DLL3: variants seen among roughly 807,000 people sequenced by gnomAD.
DLL3 encodes the protein delta-like protein 3.
DLL3 carries 49 observed loss-of-function variants against 55.0 expected under a neutral mutation model. The observed-to-expected ratio is 0.89, with a 90% CI of 0.71 to 1.13. The LOEUF is 1.13. Ranked by LOEUF, DLL3 falls within the 50% of genes most tolerant of loss-of-function variation. The probability of loss-of-function intolerance (pLI) is 0.00; values close to 1 mark genes in which losing one functional copy is unlikely to be tolerated. For synonymous variants in DLL3, 421 were observed against 385.2 expected, an observed-to-expected ratio of 1.09 and a Z score of -1.09; for missense variants, 962 against 875.5, an observed-to-expected ratio of 1.10 and a Z score of -1.25.
chr19:39,505,110 C>A, intron 5 of DLL3, 119 bp from the exon 6 acceptor site: 1 of 1,008,742 alleles, frequency 9.9e-7, no homozygotes, highest in Non-Finnish European at 1.5e-6. Context: ...CCAGGGTGGC[C>A]CCTGCATAGT....
At position 39,502,883 on chromosome 19, in the gene DLL3, C is replaced by T. The variant is rs376907733; in HGVS notation, c.478C>T (p.Arg160Trp). The T allele has an allele frequency of 3.4e-5, 49 of 1,439,236 alleles. No homozygotes were observed. The highest frequency in any genetic ancestry group is 2.1e-4 in the East Asian group (7 of 33,062). The allele number at this position is 1,439,236 out of a possible 1,614,324, so 89.2% of individuals were successfully genotyped here. A position where few individuals can be genotyped will look rare whatever the true frequency, so the allele number is the denominator to read the frequency against. Reference sequence around the variant, plus strand: ...CTTGGCAGCCGGAGGCCCGTGGGCCCGGGACATTCAGCGCGCAGGCGCCTG... The same window carrying T: ...CTTGGCAGCCGGAGGCCCGTGGGCCTGGGACATTCAGCGCGCAGGCGCCTG... ...RRLAAGGPWARDIQRAGAWEL... is the reference protein window; with the variant it reads ...RRLAAGGPWAWDIQRAGAWEL... The change falls in exon 4 of 9, where the codon CGG (arginine) becomes TGG (tryptophan). Residue 160 changes from arginine to tryptophan, a missense_variant. By Grantham distance (101) the Arg-to-Trp change is moderately radical (BLOSUM62 -3). Coordinates refer to ENST00000356433, the MANE Select transcript of DLL3 (RefSeq NM_203486.3).
At position 39,502,200 on chromosome 19, in the gene DLL3, A is replaced by AC. The variant is rs549900856; in HGVS notation, c.410-615_410-614insC. Among the ~76,000 whole-genome samples the AC allele has an allele frequency of 1.0e-3, 155 of 152,128 alleles. 1 individual carries two copies. In the South Asian group the frequency reaches 0.011, roughly 11 times the overall value. On this transcript the variant is annotated intron_variant, in intron 3 of 8. Transcript: ENST00000356433. ...AGACTCCGTCGCAAAAAACAAACAA[A>AC]AAAAAAACAAATATCTGGGTCAAAA... is the stretch of plus-strand genomic sequence containing the variant.
In DLL3 at chr19:39,502,906, C is replaced by T. The variant is rs1469469646; in HGVS notation, c.501C>T (p.Ala167=). The T allele has an allele frequency of 5.5e-6, 8 of 1,446,216 alleles. No individual in the cohort carries two copies. In the Admixed American group the frequency reaches 1.3e-4, roughly 24 times the overall value. 89.6% of individuals were successfully genotyped at this position (1,446,216 alleles called of 1,614,324 possible). A position where few individuals can be genotyped will look rare whatever the true frequency, so the allele number is the denominator to read the frequency against. The change falls in exon 4 of 9, where the codon GCC becomes GCT. Residue 167 remains alanine (A), a synonymous_variant. Coordinates refer to ENST00000356433, the MANE Select transcript of DLL3 (RefSeq NM_203486.3). ...PWARDIQRAG[A]WELRFSYRAR... ...CCCGGGACATTCAGCGCGCAGGCGC[C>T]TGGGAGCTGCGCTTCTCGTACCGCG...
intron 2 of DLL3, 113 bp from the exon 3 acceptor site, chr19:39,500,502 C>T: frequency 1.2e-6 from 1 of 830,838 alleles, no homozygotes. Flanking sequence ...CCCTTGCTTG[C>T]TCAGTCCCCA....
rs1038288359 is a variant in DLL3, at chr19:39,503,045, T to C, written c.640T>C (p.Cys214Arg). Residue 214 changes from cysteine to arginine, a missense_variant, in exon 4 of 9, where the codon TGT (cysteine) becomes CGT (arginine). Transcript: ENST00000356433. ...CCCCTGCGCACCGCTCGAGGACGAA[T>C]GTGAGGCGCCGCGTGAGTCCTGCGT... ...LRPCAPLEDE[C>R]EAPLVCRAGC... 3 of 1,522,164 alleles carry C rather than the reference T, an allele frequency of 2.0e-6. No individual in the cohort carries two copies. Among genetic ancestry groups the C allele is most frequent in the African/African-American group, 2.8e-5 (2 of 71,824 alleles). 94.3% of individuals were successfully genotyped at this position (1,522,164 alleles called of 1,614,324 possible).
chr19:39,508,338 C>G lies in DLL3; in HGVS notation c.*81C>G. ...TGGTGCCCAGTCTCTGCCCCAGAGG[C>G]TTTGGAGTTCAATCTTGAAGGGGTG... On this transcript the variant is annotated 3_prime_UTR_variant, in exon 9 of 9. Transcript: ENST00000356433. 6.5e-7 allele frequency: 1 copy of G among 1,531,410 alleles called. No individual in the cohort carries two copies. Among genetic ancestry groups the G allele is most frequent in the Non-Finnish European group, 9.0e-7 (1 of 1,106,444 alleles). The allele number at this position is 1,531,410 out of a possible 1,614,324, so 94.9% of individuals were successfully genotyped here. A position where few individuals can be genotyped will look rare whatever the true frequency, so the allele number is the denominator to read the frequency against.
intron 3 of DLL3, among the ~76,000 whole-genome samples, chr19:39,502,325 C>G (rs923897545): frequency 2.6e-5 from 4 of 151,962 alleles, no homozygotes; most frequent in African/African-American, 7.2e-5. Context: ...AGTGCGATGG[C>G]CGATCTCGGC....
In DLL3 at chr19:39,504,575, C is replaced by T. The variant is rs150232824; in HGVS notation, c.870+287C>T. On this transcript the variant is annotated intron_variant, in intron 5 of 8. Transcript: ENST00000356433. ...GCTGCCCCTACTGCGGGACTGAGAACGATTCAGGGCCCAAGGTAGTGGGTG... is the reference window on the plus strand; with the variant it reads ...GCTGCCCCTACTGCGGGACTGAGAATGATTCAGGGCCCAAGGTAGTGGGTG... Among the ~76,000 whole-genome samples the T allele has an allele frequency of 9.4e-3, 1,438 of 152,210 alleles. 19 individuals carry two copies. The highest frequency in any genetic ancestry group is 0.033 in the African/African-American group (1,358 of 41,522).
chr19:39,507,108 G>T lies in DLL3; in HGVS notation c.1163G>T (p.Cys388Phe). Residue 388 changes from cysteine (C) to phenylalanine (F), a missense_variant, in exon 7 of 9, where the codon TGC (cysteine) becomes TTC (phenylalanine). Coordinates refer to ENST00000356433, the MANE Select transcript of DLL3 (RefSeq NM_203486.3). ...CGCGCCGGCTTCGCGGGTCCTCGCT[G>T]CGAGCACGACCTGGACGACTGCGCG... ...RCRAGFAGPRCEHDLDDCAGR... is the reference protein window; with the variant it reads ...RCRAGFAGPRFEHDLDDCAGR... 1.3e-6 allele frequency: 2 copies of T among 1,542,866 alleles called. No individual in the cohort carries two copies. Among genetic ancestry groups the T allele is most frequent in the Non-Finnish European group, 8.7e-7 (1 of 1,151,650 alleles).
In DLL3 at chr19:39,500,709, G is replaced by T. The variant is rs754461205; in HGVS notation, c.409+37G>T. 15 of 1,583,776 alleles carry T rather than the reference G, an allele frequency of 9.5e-6. No homozygotes were observed. The African/African-American group carries it at 1.5e-4, about 16-fold the overall frequency. ...CAGTCTTGGGACTGGTGGGGAGCTG[G>T]GGCCCACGTGAGACACGGGGTTGGT... On this transcript the variant is annotated intron_variant, in intron 3 of 8. Transcript: ENST00000356433.
In DLL3 at chr19:39,507,428, C is replaced by T. The variant is rs201354924; in HGVS notation, c.1483C>T (p.Pro495Ser). ...GGACCCTCAGCGCTACCTTTTGCCT[C>T]CGGCTCTGGGACTGCTCGTGGCCGC... Reference protein sequence around the residue: ...PGDPQRYLLPPALGLLVAAGV... With the variant: ...PGDPQRYLLPSALGLLVAAGV... Residue 495 changes from proline (P) to serine (S), a missense_variant, in exon 7 of 9, where the codon CCG (proline) becomes TCG (serine). Pro to Ser is a moderately conservative substitution (Grantham distance 74). Coordinates refer to ENST00000356433, the MANE Select transcript of DLL3 (RefSeq NM_203486.3). The T allele has an allele frequency of 5.5e-5, 88 of 1,593,456 alleles. No individual in the cohort carries two copies. The highest frequency in any genetic ancestry group is 3.1e-4 in the Admixed American group (18 of 57,158).
At chr19:39,503,389 T>G (rs2079622542) in intron 4 of DLL3, among the ~76,000 whole-genome samples, 2 of 152,160 alleles carry the variant, frequency 1.3e-5, no homozygotes, top group African/African-American at 4.8e-5. Context: ...GTCCATTTTC[T>G]ATGCTGGCAC....
At chr19:39,500,697 G>C in intron 3 of DLL3, 25 bp downstream of exon 3, 1 of 1,609,600 alleles carries the variant, frequency 6.2e-7, no homozygotes, top group East Asian at 2.2e-5. Context: ...TCTTGGGACT[G>C]GTGGGGAGCT....
At chr19:39,502,627 G>A (rs1202971546) in intron 3 of DLL3, among the ~76,000 whole-genome samples, 188 bp from the exon 4 acceptor site, 1 of 152,138 alleles carries the variant, frequency 6.6e-6, no homozygotes, top group Non-Finnish European at 1.5e-5. Context: ...GGGTGCATTG[G>A]GGAGTTCGCA....
chr19:39,503,005 C>G lies in DLL3; in HGVS notation c.600C>G (p.Cys200Trp). The G allele has an allele frequency of 1.3e-6, 2 of 1,484,624 alleles. No individual in the cohort carries two copies. Among genetic ancestry groups the G allele is most frequent in the Non-Finnish European group, 1.8e-6 (2 of 1,125,342 alleles). The allele number at this position is 1,484,624 out of a possible 1,614,324, so 92.0% of individuals were successfully genotyped here. A position where few individuals can be genotyped will look rare whatever the true frequency, so the allele number is the denominator to read the frequency against. Residue 200 changes from cysteine to tryptophan, a missense_variant, in exon 4 of 9, where the codon TGC becomes TGG. Transcript: ENST00000356433. ...GTCCGCGCAGCGCCCCCTCGCGGTG[C>G]GGTCCGGGACTGCGCCCCTGCGCAC... ...LCRPRSAPSRCGPGLRPCAPL... is the reference protein window; with the variant it reads ...LCRPRSAPSRWGPGLRPCAPL...
At position 39,507,569 on chromosome 19, in the gene DLL3, G is replaced by A. The variant is rs2079651864; in HGVS notation, c.1624G>A (p.Asp542Asn). The A allele has an allele frequency of 6.2e-7, 1 of 1,608,958 alleles. No individual in the cohort carries two copies. Among genetic ancestry groups the A allele is most frequent in the Non-Finnish European group, 8.5e-7 (1 of 1,178,312 alleles). Residue 542 changes from aspartate to asparagine, a missense_variant, in exon 7 of 9, where the codon GAT becomes AAT. Asp to Asn is a conservative substitution (Grantham distance 23). Transcript: ENST00000356433. ...GGAGCCGTCAGTCCACGCACTCCCG[G>A]ATGCACTCAACAACCTAAGGACGCA... ...TPEPSVHALP[D>N]ALNNLRTQEG...
chr19:39,502,685 G>A, intron 3 of DLL3, 130 bp from the exon 4 acceptor site: 1 of 1,181,918 alleles, frequency 8.5e-7, no homozygotes, highest in Non-Finnish European at 1.1e-6. Context: ...CGAGGTCCAA[G>A]GACCCCAGGG....
intron 6 of DLL3, among the ~76,000 whole-genome samples, chr19:39,506,689 A>G (rs371334438): frequency 3.9e-5 from 6 of 152,138 alleles, no homozygotes; most frequent in African/African-American, 1.4e-4. Flanking sequence ...AAAAGGTGGG[A>G]AAAAATGTGA....
At position 39,502,847 on chromosome 19, in the gene DLL3, G is replaced by A. The variant is rs749148035; in HGVS notation, c.442G>A (p.Gly148Ser). Residue 148 changes from glycine (G) to serine (S), a missense_variant, in exon 4 of 9, where the codon GGC becomes AGC. Physicochemically the swap from Gly to Ser is moderately conservative, Grantham distance 56. Coordinates refer to ENST00000356433, the MANE Select transcript of DLL3 (RefSeq NM_203486.3). ...PAWSLLARVA[G>S]RRRLAAGGPW... ...CTGGAGCCTGCTGGCGCGCGTGGCT[G>A]GCAGGCGGCGCTTGGCAGCCGGAGG... is the stretch of plus-strand genomic sequence containing the variant. The A allele has an allele frequency of 2.1e-6, 3 of 1,416,566 alleles. No homozygotes were observed. Among genetic ancestry groups the A allele is most frequent in the African/African-American group, 3.0e-5 (2 of 66,960 alleles). 87.7% of individuals were successfully genotyped at this position (1,416,566 alleles called of 1,614,324 possible).
Sources: allele counts gnomAD v4.1 joint callset (sites outside exome capture counted in the v4.1 genomes callset), GRCh38; gene constraint gnomAD v4.1.1; transcripts MANE v1.5; gene names NCBI Gene and HGNC (gene_info 2026-07-23, HGNC 2026-07-21).